PPP1R7: variants seen among roughly 807,000 people sequenced by gnomAD.
PPP1R7 encodes the protein protein phosphatase 1 regulatory subunit 7, also known as protein phosphatase 1 regulatory subunit 22.
Under a neutral mutation model 45.2 loss-of-function variants are expected in PPP1R7, and 18 were observed. The observed-to-expected ratio is 0.40, with a 90% CI of 0.28 to 0.59. The LOEUF is 0.59. PPP1R7 is among the 20% of genes least tolerant of loss of function. The pLI is 0.46. For missense variants in PPP1R7, 314 were observed against 455.8 expected, an observed-to-expected ratio of 0.69 and a Z score of 2.83; for synonymous variants, 181 against 183.4, an observed-to-expected ratio of 0.99 and a Z score of 0.11.
chr2:241,149,636 C>T, upstream of PPP1R7: 2 of 1,539,352 alleles, frequency 1.3e-6, no homozygotes, highest in South Asian at 1.2e-5. Context: ...TTCGGAGGAG[C>T]CAAAGGAATA....
rs575506829 is a variant in PPP1R7, at chr2:241,156,582, A to G, written c.182-1225A>G. Among the ~76,000 whole-genome samples, 43 of 152,280 alleles carry G rather than the reference A, an allele frequency of 2.8e-4. 2 individuals carry two copies. The South Asian group carries it at 8.5e-3, about 30-fold the overall frequency. Reference sequence around the variant, plus strand: ...TCTCAGCTTCCTGGGAGCCTAAGACAAGGATTGCTTGAGCCCACAAGTTCA... The same window carrying G: ...TCTCAGCTTCCTGGGAGCCTAAGACGAGGATTGCTTGAGCCCACAAGTTCA... On this transcript the variant is annotated intron_variant, in intron 2 of 9. Transcript: ENST00000234038.
chr2:241,178,078 C>G (rs574227725), intron 9 of PPP1R7, among the ~76,000 whole-genome samples: 1 of 152,376 alleles, frequency 6.6e-6, no homozygotes, highest in African/African-American at 2.4e-5. Flanking sequence ...CCTGTGCCAG[C>G]TTGGCACCCC....
upstream of PPP1R7, chr2:241,149,768 G>A: frequency 2.0e-6 from 3 of 1,538,248 alleles, no homozygotes; most frequent in Non-Finnish European, 2.6e-6. Context: ...GACGCGGGGC[G>A]GCTCGTTCAT....
chr2:241,150,294 G>C, upstream of PPP1R7: 1 of 1,319,356 alleles, frequency 7.6e-7, no homozygotes, highest in Non-Finnish European at 9.7e-7. Context: ...TCCGCCGCCT[G>C]AAATTACCTG....
At chr2:241,163,456 C>T in intron 7 of PPP1R7, 55 bp downstream of exon 7, 1 of 1,231,380 alleles carries the variant, frequency 8.1e-7, no homozygotes, top group Non-Finnish European at 1.2e-6. Context: ...GCCAGCGCTG[C>T]TGGACACAAT....
chr2:241,163,696 T>G (rs953326237), intron 7 of PPP1R7, among the ~76,000 whole-genome samples: 2 of 152,162 alleles, frequency 1.3e-5, no homozygotes, highest in African/African-American at 4.8e-5. Flanking sequence ...CTCCAACTCC[T>G]GGGCTCAAGC....
chr2:241,169,712 G>T, intron 8 of PPP1R7, 69 bp from the exon 9 acceptor site: 1 of 1,324,866 alleles, frequency 7.5e-7, no homozygotes, highest in South Asian at 1.2e-5. Flanking sequence ...ACTTGACACT[G>T]CCTGCGTGGT....
chr2:241,150,439 C>G, upstream of PPP1R7: 1 of 1,492,620 alleles, frequency 6.7e-7, no homozygotes, highest in Non-Finnish European at 8.9e-7. Flanking sequence ...AGGCGGGAGC[C>G]CTGATTGGCT....
upstream of PPP1R7, chr2:241,149,609 A>G (rs2067187172): frequency 1.4e-5 from 21 of 1,526,816 alleles, no homozygotes; most frequent in Non-Finnish European, 1.8e-5. Flanking sequence ...GGGACGCACC[A>G]AACACCCCTA....
At chr2:241,169,755 G>A in intron 8 of PPP1R7, 26 bp from the exon 9 acceptor site, 1 of 1,572,656 alleles carries the variant, frequency 6.4e-7, no homozygotes, top group Non-Finnish European at 8.8e-7. Context: ...AGGTAATCCA[G>A]GAAACATTTT....
chr2:241,181,577 G>A (rs894260526), intron 9 of PPP1R7, among the ~76,000 whole-genome samples: 3 of 152,058 alleles, frequency 2.0e-5, no homozygotes, highest in Non-Finnish European at 4.4e-5. Context: ...GCTGTGCAGA[G>A]CAGAGGTCCA....
intron 2 of PPP1R7, among the ~76,000 whole-genome samples, chr2:241,155,960 T>C (rs1249251389): frequency 6.6e-6 from 1 of 152,246 alleles, no homozygotes; most frequent in African/African-American, 2.4e-5. Flanking sequence ...GGATAAACTA[T>C]AGTAAACTTT....
At chr2:241,168,381 T>C (rs887274418) in intron 8 of PPP1R7, among the ~76,000 whole-genome samples, 2 of 152,130 alleles carry the variant, frequency 1.3e-5, no homozygotes, top group South Asian at 4.1e-4. Context: ...TTTTGCCAGT[T>C]TCTGGGCTTG....
chr2:241,160,514 A>G lies in PPP1R7; in HGVS notation c.597+20A>G, dbSNP rs1337497171. 6.4e-7 allele frequency: 1 copy of G among 1,567,414 alleles called. No homozygotes were observed. The highest frequency in any genetic ancestry group is 1.2e-5 in the South Asian group (1 of 83,400). On this transcript the variant is annotated intron_variant, in intron 6 of 9. Transcript: ENST00000234038. ...ATCCGGGTAGGTGCAGACAGCCCTGACTAGTATATTCAGGGAGAGGCAGCT... is the reference window on the plus strand; with the variant it reads ...ATCCGGGTAGGTGCAGACAGCCCTGGCTAGTATATTCAGGGAGAGGCAGCT...
intron 9 of PPP1R7, among the ~76,000 whole-genome samples, chr2:241,170,975 A>C (rs1405190927): frequency 6.6e-6 from 1 of 152,172 alleles, no homozygotes; most frequent in Non-Finnish European, 1.5e-5. Flanking sequence ...GTGCATAGGG[A>C]GTTGGCAAAG....
chr2:241,170,777 T>G (rs2067800098), intron 9 of PPP1R7, among the ~76,000 whole-genome samples: 1 of 152,180 alleles, frequency 6.6e-6, no homozygotes, highest in Admixed American at 6.5e-5. Flanking sequence ...TCCTTGCCCC[T>G]TATTAGTGGC....
intron 2 of PPP1R7, among the ~76,000 whole-genome samples, chr2:241,156,286 T>C (rs1450575920): frequency 6.6e-6 from 1 of 152,234 alleles, no homozygotes; most frequent in East Asian, 1.9e-4. Flanking sequence ...CCTATGCATA[T>C]AATTCACAGA....
In PPP1R7 at chr2:241,163,358, A is replaced by G. The variant is rs2067636709; in HGVS notation, c.671A>G (p.Gln224Arg). 2 of 1,613,908 alleles carry G rather than the reference A, an allele frequency of 1.2e-6. No homozygotes were observed. Residue 224 changes from glutamine (Q) to arginine (R), a missense_variant, in exon 7 of 10, where the codon CAG becomes CGG. Gln to Arg is a conservative substitution (Grantham distance 43). Transcript: ENST00000234038. The part of the protein sequence containing the change: ...FLGKNKITKL[Q>R]NLDALTNLTV... ...GGGAAAAACAAAATTACTAAACTTCAGAACCTGGATGCGCTCACCAACCTG... is the reference window on the plus strand; with the variant it reads ...GGGAAAAACAAAATTACTAAACTTCGGAACCTGGATGCGCTCACCAACCTG...
chr2:241,177,415 TA>T (rs35336750), intron 9 of PPP1R7, among the ~76,000 whole-genome samples: 311 of 145,320 alleles, frequency 2.1e-3, no homozygotes, highest in Middle Eastern at 0.011. Flanking sequence ...GACTCCACCT[TA>T]AAAAAAAAAA....
Sources: gnomAD v4.1 joint callset for allele counts (sites outside exome capture counted in the v4.1 genomes callset) on GRCh38, gnomAD v4.1.1 for gene constraint, MANE v1.5 for transcripts, NCBI Gene and HGNC (gene_info 2026-07-23, HGNC 2026-07-21) for gene names.